The following ANKAR variants were observed in gnomAD, a reference collection of about 807,000 sequenced individuals.
ANKAR encodes ankyrin and armadillo repeat containing, also known as ankyrin and armadillo repeat-containing protein.
A neutral mutation model predicts 146.2 loss-of-function variants in ANKAR; 136 were observed. The ratio of observed to expected loss-of-function variants is 0.93; its 90% confidence interval spans 0.81 to 1.07. ANKAR has a LOEUF of 1.07. Among genes scored for constraint, ANKAR ranks in the 50% least tolerant of loss-of-function variants. The probability of loss-of-function intolerance (pLI) is 0.00; values close to 1 mark genes in which losing one functional copy is unlikely to be tolerated. For synonymous variants in ANKAR, 500 were observed against 575.8 expected, an observed-to-expected ratio of 0.87 and a Z score of 1.88; for missense variants, 1,567 against 1,679.9, an observed-to-expected ratio of 0.93 and a Z score of 1.18.
chr2:189,730,852 A>G (rs1229094704), intron 16 of ANKAR, among the ~76,000 whole-genome samples: 1 of 152,228 alleles, frequency 6.6e-6, no homozygotes, highest in Non-Finnish European at 1.5e-5. Flanking sequence ...AAATATGACA[A>G]GAAAATCTTA....
rs1260457515 is a variant in ANKAR at position 189,693,072 on chromosome 2, A to G, written c.1204-2A>G. The G allele has an allele frequency of 1.5e-5, 22 of 1,432,030 alleles. No individual in the cohort carries two copies. In the Admixed American group the frequency reaches 4.9e-4, roughly 32 times the overall value. 88.7% of individuals were successfully genotyped at this position (1,432,030 alleles called of 1,614,324 possible). A position where few individuals can be genotyped will look rare whatever the true frequency, so the allele number is the denominator to read the frequency against. Reference sequence around the variant, plus strand: ...TCTTTAGTAACATAACTCATATTTTAGAAAAATTTAGAAAAAATACGAGAT... The same window carrying G: ...TCTTTAGTAACATAACTCATATTTTGGAAAAATTTAGAAAAAATACGAGAT... On this transcript the variant is annotated splice_acceptor_variant, in intron 4 of 22. Coordinates refer to ENST00000684021, the MANE Select transcript of ANKAR (RefSeq NM_001378068.1). LOFTEE classifies it high-confidence loss of function.
chr2:189,694,233 A>G (rs1467754209), intron 5 of ANKAR, among the ~76,000 whole-genome samples: 1 of 152,092 alleles, frequency 6.6e-6, no homozygotes, highest in Non-Finnish European at 1.5e-5. Flanking sequence ...TTGTCTCAAG[A>G]AAAAAGAATA....
At chr2:189,761,635 T>A (rs2047077031), downstream of ANKAR, 6 of 1,592,204 alleles carry the variant, frequency 3.8e-6, no homozygotes, top group Non-Finnish European at 5.1e-6. Flanking sequence ...TAGTCAAGAT[T>A]AGCATACTTA....
At chr2:189,739,567 A>C (rs1399936798) in intron 19 of ANKAR, among the ~76,000 whole-genome samples, 1 of 150,256 alleles carries the variant, frequency 6.7e-6, no homozygotes, top group Non-Finnish European at 1.5e-5. Flanking sequence ...TAGACTCCAC[A>C]GTTTTTTTTT....
At chr2:189,760,378 A>G (rs2046840870) in intron 18 of ANKAR, among the ~76,000 whole-genome samples, 1 of 152,078 alleles carries the variant, frequency 6.6e-6, no homozygotes, top group Admixed American at 6.5e-5. Flanking sequence ...GCTGCCGGGC[A>G]GAGGCGCCCC....
At chr2:189,703,635 T>C (rs769665043) in intron 7 of ANKAR, among the ~76,000 whole-genome samples, 7 of 152,020 alleles carry the variant, frequency 4.6e-5, no homozygotes, top group Non-Finnish European at 7.4e-5. Flanking sequence ...GTCATCAAGT[T>C]GTATATGGTA....
intron 10 of ANKAR, among the ~76,000 whole-genome samples, chr2:189,715,355 C>T (rs1174931502): frequency 6.6e-6 from 1 of 152,144 alleles, no homozygotes; most frequent in Non-Finnish European, 1.5e-5. Context: ...TGGATAAATT[C>T]CTGGACACAT....
downstream of ANKAR, chr2:189,761,725 A>G (rs2047086149): frequency 1.4e-6 from 2 of 1,410,420 alleles, no homozygotes; most frequent in Non-Finnish European, 1.9e-6. Flanking sequence ...ATTTTTCAAT[A>G]TATAGTTTTA....
chr2:189,753,922 T>C (rs1366240082), intron 18 of ANKAR: 11 of 1,613,286 alleles, frequency 6.8e-6, no homozygotes, highest in Non-Finnish European at 9.3e-6. Flanking sequence ...TTACCAGTAC[T>C]GCATTATTTT....
downstream of ANKAR, among the ~76,000 whole-genome samples, chr2:189,751,575 G>A (rs1317124397): frequency 6.6e-6 from 1 of 150,788 alleles, no homozygotes; most frequent in Admixed American, 6.6e-5. Flanking sequence ...CTCCCGAGTA[G>A]CTGCGATTAC....
intron 2 of ANKAR, among the ~76,000 whole-genome samples, chr2:189,677,685 T>C (rs2033952324): frequency 6.6e-6 from 1 of 151,338 alleles, no homozygotes; most frequent in Admixed American, 6.6e-5. Flanking sequence ...TTTTTTTTTT[T>C]TCTTTTTTGG....
chr2:189,719,219 C>G (rs959221666), intron 10 of ANKAR, among the ~76,000 whole-genome samples: 2 of 152,094 alleles, frequency 1.3e-5, no homozygotes, highest in African/African-American at 4.8e-5. Context: ...GAAGTTGATG[C>G]AATAACCAAA....
chr2:189,707,617 C>CT (rs549088823), intron 9 of ANKAR, among the ~76,000 whole-genome samples: 230 of 134,924 alleles, frequency 1.7e-3, no homozygotes, highest in Middle Eastern at 3.9e-3. Context: ...TATTTTCTTT[C>CT]TTTTTTTTTT....
chr2:189,704,579 AT>A (rs1329909519), intron 7 of ANKAR, among the ~76,000 whole-genome samples: 8 of 121,350 alleles, frequency 6.6e-5, no homozygotes, highest in Non-Finnish European at 1.2e-4. Context: ...ATATATATAT[AT>A]ATATATATAT....
At chr2:189,718,529 T>C (rs1321480829) in intron 10 of ANKAR, among the ~76,000 whole-genome samples, 3 of 152,174 alleles carry the variant, frequency 2.0e-5, no homozygotes, top group African/African-American at 4.8e-5. Flanking sequence ...TCCCCTGATA[T>C]GTTCCTGAAA....
At chr2:189,709,197 G>T (rs776250064) in intron 9 of ANKAR, among the ~76,000 whole-genome samples, 3 of 152,188 alleles carry the variant, frequency 2.0e-5, no homozygotes, top group Non-Finnish European at 4.4e-5. Context: ...AATAATAATT[G>T]TATAGACATC....
chr2:189,694,152 C>T (rs1681409113), intron 5 of ANKAR, among the ~76,000 whole-genome samples: 1 of 152,048 alleles, frequency 6.6e-6, no homozygotes, highest in African/African-American at 2.4e-5. Flanking sequence ...ATCACTTGAG[C>T]CTGAGAGGTC....
chr2:189,741,563 A>T, intron 20 of ANKAR, 112 bp downstream of exon 20: 1 of 598,474 alleles, frequency 1.7e-6, no homozygotes, highest in Non-Finnish European at 2.7e-6. Context: ...ATATAATATA[A>T]TTCTTATTAC....
At chr2:189,729,711 T>TGC (rs1196840525) in intron 15 of ANKAR, among the ~76,000 whole-genome samples, 1 of 148,270 alleles carries the variant, frequency 6.7e-6, no homozygotes, top group Non-Finnish European at 1.5e-5. Flanking sequence ...TGTGTGTGTG[T>TGC]GTGTGGTGCG....
Sources: gnomAD v4.1 joint callset for allele counts (sites outside exome capture counted in the v4.1 genomes callset) on GRCh38, gnomAD v4.1.1 for gene constraint, MANE v1.5 for transcripts, NCBI Gene and HGNC (gene_info 2026-07-23, HGNC 2026-07-21) for gene names.